Variants in TRAP1 observed in about 807,000 individuals in gnomAD.
TRAP1 encodes the protein heat shock protein 75 kDa, mitochondrial.
In TRAP1, 102 loss-of-function variants were observed where a neutral mutation model predicts 89.1. The observed-to-expected ratio is 1.15, with a 90% CI of 0.98 to 1.35. TRAP1 has a LOEUF of 1.35. Among genes scored for constraint, TRAP1 ranks in the 40% most tolerant of loss-of-function variants. The pLI, the probability that TRAP1 is intolerant of heterozygous loss-of-function variation, is 0.00. For synonymous variants in TRAP1, 508 were observed against 388.0 expected, an observed-to-expected ratio of 1.31 and a Z score of -3.64; for missense variants, 1,256 against 945.3, an observed-to-expected ratio of 1.33 and a Z score of -4.31.
intron 3 of TRAP1, among the ~76,000 whole-genome samples, chr16:3,687,602 G>T (rs908629448): frequency 5.3e-5 from 8 of 152,096 alleles, no homozygotes; most frequent in African/African-American, 1.9e-4. Flanking sequence ...CAGTGAGAGA[G>T]GCCGGGTGTG....
chr16:3,715,747 G>A (rs113430139), intron 1 of TRAP1, among the ~76,000 whole-genome samples: 398 of 152,178 alleles, frequency 2.6e-3, no homozygotes, highest in Admixed American at 4.7e-3. Context: ...AGGCACTGGA[G>A]ACCAGCCTGG....
intron 3 of TRAP1, among the ~76,000 whole-genome samples, chr16:3,688,707 CTCCTGGGCTCAAGT>C (rs1441239942): frequency 5.9e-5 from 9 of 152,118 alleles, no homozygotes. Flanking sequence ...TGGTCTCAAA[CTCCTGGGCTCAAGT>C]GATCCTCCTG....
chr16:3,698,316 A>G (rs891101299), intron 1 of TRAP1, among the ~76,000 whole-genome samples: 1 of 149,952 alleles, frequency 6.7e-6, no homozygotes, highest in Non-Finnish European at 1.5e-5. Flanking sequence ...TTTCCACAAC[A>G]ACTTTTTTTT....
chr16:3,671,065 G>A (rs191125851), intron 11 of TRAP1, among the ~76,000 whole-genome samples: 28 of 152,238 alleles, frequency 1.8e-4, no homozygotes, highest in South Asian at 6.2e-4. Flanking sequence ...GCACGTTGGG[G>A]GCTCCAACAA....
rs189397302 is a variant in TRAP1, at chr16:3,699,202, C to T, written c.89-8217G>A. Among the ~76,000 whole-genome samples, 48 of 152,268 alleles carry T rather than the reference C, an allele frequency of 3.2e-4. No individual in the cohort carries two copies. In the East Asian group the frequency reaches 6.9e-3, roughly 22 times the overall value. On this transcript the variant is annotated intron_variant, in intron 1 of 17. Transcript: ENST00000246957. ...CACTCTGCAGCTGCAGTCTCAGTAG[C>T]TGGGACTCCTTCCCATCCGAGTTGC...
At chr16:3,681,881 T>A (rs549195011) in intron 4 of TRAP1, among the ~76,000 whole-genome samples, 1 of 152,254 alleles carries the variant, frequency 6.6e-6, no homozygotes, top group Non-Finnish European at 1.5e-5. Context: ...TATATGGAAA[T>A]ACAAAGAACT....
intron 4 of TRAP1, among the ~76,000 whole-genome samples, chr16:3,680,967 T>C (rs1180693554): frequency 6.6e-6 from 1 of 152,126 alleles, no homozygotes; most frequent in Non-Finnish European, 1.5e-5. Flanking sequence ...CAGTCTAAGG[T>C]ATTCGGCTAT....
intron 1 of TRAP1, among the ~76,000 whole-genome samples, chr16:3,714,246 G>A (rs2051568710): frequency 6.6e-6 from 1 of 152,152 alleles, no homozygotes; most frequent in Non-Finnish European, 1.5e-5. Flanking sequence ...AGACAGCAGG[G>A]TCACATTTTC....
intron 13 of TRAP1, 51 bp from the exon 14 acceptor site, chr16:3,663,613 C>G (rs2050745212): frequency 3.1e-6 from 5 of 1,607,988 alleles, no homozygotes; most frequent in Non-Finnish European, 2.5e-6. Context: ...CTCCAGCCAC[C>G]ACAGAAGAAA....
chr16:3,681,081 G>C (rs2051067904), intron 4 of TRAP1, among the ~76,000 whole-genome samples: 1 of 152,164 alleles, frequency 6.6e-6, no homozygotes, highest in South Asian at 2.1e-4. Flanking sequence ...CCCATCTGCA[G>C]ATCCTCGCTC....
rs775566108 is a variant in TRAP1 at position 3,717,522 on chromosome 16, AGC to A, written c.-16_-15del. The A allele has an allele frequency of 1.9e-5, 26 of 1,354,434 alleles. 1 individual carries two copies. The Middle Eastern group carries it at 8.3e-4, about 43-fold the overall frequency. 83.9% of individuals were successfully genotyped at this position (1,354,434 alleles called of 1,614,324 possible). ...CTCGCGCGCCATGTCGTACTCCCAG[AGC>A]GCCGCGCGCAGCCACGCGGGACCGT... On this transcript the variant is annotated 5_prime_UTR_variant, in exon 1 of 18. Coordinates refer to ENST00000246957, the MANE Select transcript of TRAP1 (RefSeq NM_016292.3).
At chr16:3,674,694 G>T in intron 8 of TRAP1, 200 bp from the exon 9 acceptor site, 1 of 631,788 alleles carries the variant, frequency 1.6e-6, no homozygotes, top group Non-Finnish European at 2.7e-6. Flanking sequence ...AAGGCTCTGG[G>T]GCAGGAGCTC....
Position 3,685,917 on chromosome 16 carries a change from C to A in TRAP1, c.471+79G>T, listed in dbSNP as rs963574843. The A allele has an allele frequency of 4.6e-5, 70 of 1,531,268 alleles. No individual in the cohort carries two copies. The African/African-American group carries it at 9.2e-4, about 20-fold the overall frequency. The allele number at this position is 1,531,268 out of a possible 1,614,324, so 94.9% of individuals were successfully genotyped here. A position where few individuals can be genotyped will look rare whatever the true frequency, so the allele number is the denominator to read the frequency against. On this transcript the variant is annotated intron_variant, in intron 4 of 17. Coordinates refer to ENST00000246957, the MANE Select transcript of TRAP1 (RefSeq NM_016292.3). ...CGGACGGCCAGTACGTCCCTGGGACCCGAGACATCACTAGAAGGCGGATCC... is the reference window on the plus strand; with the variant it reads ...CGGACGGCCAGTACGTCCCTGGGACACGAGACATCACTAGAAGGCGGATCC...
chr16:3,704,684 C>A (rs2051415836), intron 1 of TRAP1, among the ~76,000 whole-genome samples: 1 of 152,066 alleles, frequency 6.6e-6, no homozygotes, highest in African/African-American at 2.4e-5. Context: ...GAGACCCCCC[C>A]AACTCTCAAA....
At chr16:3,660,054 T>C (rs2042983231) in intron 16 of TRAP1, 1 of 152,158 alleles carries the variant, frequency 6.6e-6, no homozygotes, top group South Asian at 2.1e-4. Context: ...CAAATGCACA[T>C]CCTCACATTT....
chr16:3,709,036 C>T (rs1269933098), intron 1 of TRAP1, among the ~76,000 whole-genome samples: 1 of 151,636 alleles, frequency 6.6e-6, no homozygotes, highest in Admixed American at 6.6e-5. Context: ...AGGATGGTCT[C>T]GATCTCCTGA....
chr16:3,662,326 A>C, intron 15 of TRAP1, 194 bp from the exon 16 acceptor site: 1 of 695,094 alleles, frequency 1.4e-6, no homozygotes, highest in Admixed American at 3.0e-5. Flanking sequence ...ACGCAAAGAT[A>C]CTGTGCCCGA....
intron 3 of TRAP1, 57 bp downstream of exon 3, chr16:3,688,998 A>G (rs2051175195): frequency 6.6e-7 from 1 of 1,519,432 alleles, no homozygotes; most frequent in African/African-American, 1.4e-5. Context: ...TGGCATAAAA[A>G]CCAGCTTTGT....
intron 1 of TRAP1, among the ~76,000 whole-genome samples, chr16:3,703,784 G>A (rs1341593916): frequency 6.6e-6 from 1 of 151,918 alleles, no homozygotes; most frequent in Admixed American, 6.6e-5. Flanking sequence ...GGGAGGCCGA[G>A]GCGGGCAGAT....
Sources: gnomAD v4.1 joint callset for allele counts (sites outside exome capture counted in the v4.1 genomes callset) on GRCh38, gnomAD v4.1.1 for gene constraint, MANE v1.5 for transcripts, NCBI Gene and HGNC (gene_info 2026-07-23, HGNC 2026-07-21) for gene names.